The following LRRC4C variants were observed in gnomAD, a reference collection of about 807,000 sequenced individuals.
LRRC4C encodes leucine rich repeat containing 4C.
LRRC4C carries 5 observed loss-of-function variants against 33.6 expected under a neutral mutation model. The observed-to-expected ratio is 0.15, with a 90% CI of 0.08 to 0.31. LRRC4C has a LOEUF of 0.31. Among genes scored for constraint, LRRC4C ranks in the 10% least tolerant of loss-of-function variants. LRRC4C has a pLI of 1.00. For missense variants in LRRC4C, 560 were observed against 796.7 expected, an observed-to-expected ratio of 0.70 and a Z score of 3.58; for synonymous variants, 329 against 302.0, an observed-to-expected ratio of 1.09 and a Z score of -0.93.
At chr11:40,436,664 A>G (rs1951152190) in intron 3 of LRRC4C, among the ~76,000 whole-genome samples, 1 of 152,180 alleles carries the variant, frequency 6.6e-6, no homozygotes, top group African/African-American at 2.4e-5. Context: ...TGAGCCTTCA[A>G]GGCTTGAATG....
chr11:41,135,328 GA>G (rs1943210732), intron 1 of LRRC4C, among the ~76,000 whole-genome samples: 1 of 152,138 alleles, frequency 6.6e-6, no homozygotes. Context: ...GCTAGACAAA[GA>G]AAGTGAAATT....
At chr11:40,369,339 T>C (rs1948350019) in intron 3 of LRRC4C, among the ~76,000 whole-genome samples, 1 of 152,154 alleles carries the variant, frequency 6.6e-6, no homozygotes, top group Non-Finnish European at 1.5e-5. Context: ...TTTTGGTTGT[T>C]GTTGTTGTTG....
intron 2 of LRRC4C, among the ~76,000 whole-genome samples, chr11:40,794,150 C>G (rs1407142257): frequency 6.6e-6 from 1 of 151,912 alleles, no homozygotes; most frequent in East Asian, 1.9e-4. Flanking sequence ...TATCCTTTTT[C>G]AAGGAAGTAG....
intron 4 of LRRC4C, chr11:40,292,994 T>A (rs964409590): frequency 2.0e-5 from 3 of 149,824 alleles, no homozygotes; most frequent in African/African-American, 7.4e-5. Context: ...GGGAGCAACT[T>A]CCCCCCCACT....
chr11:40,902,014 A>T lies in LRRC4C; in HGVS notation c.-407+31621T>A, dbSNP rs1956230456. 2.6e-5 allele frequency among the ~76,000 whole-genome samples: 3 copies of T among 116,432 alleles called. No individual in the cohort carries two copies. The South Asian group carries it at 8.6e-4, about 33-fold the overall frequency. 76.4% of individuals were successfully genotyped at this position (116,432 alleles called of 152,430 possible). The stretch of plus-strand genomic sequence containing the variant: ...TCTCTCTCTCTACACACACACACAC[A>T]CACACACACACACACACACACACAC... On this transcript the variant is annotated intron_variant, in intron 2 of 6. Transcript: ENST00000528697.
chr11:41,079,488 A>G (rs143782190), intron 1 of LRRC4C, among the ~76,000 whole-genome samples: 26 of 152,364 alleles, frequency 1.7e-4, no homozygotes, highest in Admixed American at 7.8e-4. Context: ...ACTATCTGCT[A>G]TACAAATGCC....
At position 40,778,901 on chromosome 11, in the gene LRRC4C, C is replaced by G. The variant is rs1252666299; in HGVS notation, c.-406-130623G>C. 3.9e-5 allele frequency among the ~76,000 whole-genome samples: 6 copies of G among 152,194 alleles called. No homozygotes were observed. In the East Asian group the frequency reaches 9.6e-4, roughly 24 times the overall value. On this transcript the variant is annotated intron_variant, in intron 2 of 6. Coordinates refer to ENST00000528697, the MANE Select transcript of LRRC4C (RefSeq NM_001258419.2). ...GGAGACTGAAGGAAAAAAGTAGATCCCATTAGCCAATGTGTTTCACTTCTA... is the reference window on the plus strand; with the variant it reads ...GGAGACTGAAGGAAAAAAGTAGATCGCATTAGCCAATGTGTTTCACTTCTA...
At chr11:40,179,273 G>T (rs1373761033) in intron 5 of LRRC4C, among the ~76,000 whole-genome samples, 1 of 151,662 alleles carries the variant, frequency 6.6e-6, no homozygotes, top group African/African-American at 2.4e-5. Context: ...CAAATTGCTG[G>T]GATTATAGGT....
In LRRC4C at chr11:40,975,742, C is replaced by A. The variant is rs201786949; in HGVS notation, c.-495-42019G>T. Among the ~76,000 whole-genome samples, 7 of 152,146 alleles carry A rather than the reference C, an allele frequency of 4.6e-5. No homozygotes were observed. In the East Asian group the frequency reaches 1.3e-3, roughly 29 times the overall value. Reference sequence around the variant, plus strand: ...CATCTCCATTTTACTTATGAGCCAACTGAGAAGAAGTTACACAGTTGGGAT... The same window carrying A: ...CATCTCCATTTTACTTATGAGCCAAATGAGAAGAAGTTACACAGTTGGGAT... On this transcript the variant is annotated intron_variant, in intron 1 of 6. Transcript: ENST00000528697.
chr11:41,392,691 T>C (rs1468159644), intron 1 of LRRC4C, among the ~76,000 whole-genome samples: 1 of 151,736 alleles, frequency 6.6e-6, no homozygotes, highest in Non-Finnish European at 1.5e-5. Context: ...ATGACTGATA[T>C]CCTTATGAAA....
chr11:40,546,046 A>G (rs563670464), intron 3 of LRRC4C, among the ~76,000 whole-genome samples: 19 of 151,460 alleles, frequency 1.3e-4, no homozygotes, highest in Non-Finnish European at 2.4e-4. Flanking sequence ...TGTGCATTTT[A>G]TTTCTCCAAG....
At chr11:40,751,866 T>A (rs1948704793) in intron 2 of LRRC4C, among the ~76,000 whole-genome samples, 1 of 152,042 alleles carries the variant, frequency 6.6e-6, no homozygotes, top group South Asian at 2.1e-4. Flanking sequence ...ATTACTAGGC[T>A]ACAGTAACCA....
At chr11:40,911,708 T>C (rs1003959584) in intron 2 of LRRC4C, among the ~76,000 whole-genome samples, 3 of 152,298 alleles carry the variant, frequency 2.0e-5, no homozygotes, top group South Asian at 4.1e-4. Context: ...ATGACTTTTA[T>C]GAGTTGAGAG....
At chr11:41,017,791 T>C (rs1175944290) in intron 1 of LRRC4C, among the ~76,000 whole-genome samples, 3 of 149,810 alleles carry the variant, frequency 2.0e-5, no homozygotes, top group South Asian at 4.2e-4. Context: ...TATTAATAAT[T>C]TGGGTATATA....
At chr11:40,455,002 T>A (rs1026387442) in intron 3 of LRRC4C, among the ~76,000 whole-genome samples, 1 of 152,092 alleles carries the variant, frequency 6.6e-6, no homozygotes, top group African/African-American at 2.4e-5. Context: ...ACGTCAGAAA[T>A]AGCCCAAAGC....
intron 3 of LRRC4C, among the ~76,000 whole-genome samples, chr11:40,411,080 A>C (rs541576251): frequency 6.6e-6 from 1 of 152,250 alleles, no homozygotes; most frequent in African/African-American, 2.4e-5. Flanking sequence ...ATCTCCTGAT[A>C]TCATAAAAGT....
At chr11:40,895,317 A>C (rs1488796128) in intron 2 of LRRC4C, among the ~76,000 whole-genome samples, 1 of 139,550 alleles carries the variant, frequency 7.2e-6, no homozygotes, top group Admixed American at 7.0e-5. Context: ...ATATATTTTA[A>C]ATATAATATG....
chr11:40,658,582 G>A (rs553934893), intron 2 of LRRC4C, among the ~76,000 whole-genome samples: 20 of 152,278 alleles, frequency 1.3e-4, no homozygotes, highest in African/African-American at 4.8e-4. Context: ...AAGTGTGGGT[G>A]TGGCAATCGT....
intron 3 of LRRC4C, among the ~76,000 whole-genome samples, chr11:40,427,934 T>G (rs962733946): frequency 6.6e-6 from 1 of 152,176 alleles, no homozygotes; most frequent in African/African-American, 2.4e-5. Context: ...CTATAAAGTC[T>G]CTATGCTTCT....
Sources: gnomAD v4.1 joint callset for allele counts (sites outside exome capture counted in the v4.1 genomes callset) on GRCh38, gnomAD v4.1.1 for gene constraint, MANE v1.5 for transcripts, NCBI Gene and HGNC (gene_info 2026-07-23, HGNC 2026-07-21) for gene names.